Variants in ADAM18 observed in about 807,000 individuals in gnomAD.
ADAM18 encodes the protein ADAM metallopeptidase domain 18.
A neutral mutation model predicts 94.4 loss-of-function variants in ADAM18; 117 were observed. The observed-to-expected ratio is 1.24, with a 90% CI of 1.07 to 1.45. The LOEUF (loss-of-function observed/expected upper bound fraction) is 1.45. Ranked by LOEUF, ADAM18 falls within the 40% of genes most tolerant of loss-of-function variation. The pLI is 0.00. For missense variants in ADAM18, 936 were observed against 880.0 expected (o/e 1.06, Z -0.81); for synonymous variants, 327 against 291.6 (o/e 1.12, Z -1.24).
At chr8:39,701,967 A>G (rs1822092490) in intron 17 of ADAM18, among the ~76,000 whole-genome samples, 1 of 152,124 alleles carries the variant, frequency 6.6e-6, no homozygotes, top group African/African-American at 2.4e-5. Flanking sequence ...ATGTGTCTTT[A>G]TAATAGAATG....
intron 2 of ADAM18, among the ~76,000 whole-genome samples, chr8:39,595,698 A>AT (rs1188769612): frequency 1.3e-5 from 2 of 151,728 alleles, no homozygotes; most frequent in Non-Finnish European, 2.9e-5. Flanking sequence ...ATTTTTTTGT[A>AT]TTTTTAGTGG....
intron 7 of ADAM18, among the ~76,000 whole-genome samples, chr8:39,636,138 C>G (rs1370507615): frequency 6.6e-6 from 1 of 151,666 alleles, no homozygotes; most frequent in Non-Finnish European, 1.5e-5. Context: ...TCTGCCTCAT[C>G]CTTCCAAGTA....
intron 17 of ADAM18, among the ~76,000 whole-genome samples, chr8:39,695,454 ATGT>A (rs941684928): frequency 6.6e-6 from 1 of 151,508 alleles, no homozygotes; most frequent in African/African-American, 2.4e-5. Context: ...TGGTAACTCA[ATGT>A]TGTTTTAATT....
intron 10 of ADAM18, among the ~76,000 whole-genome samples, chr8:39,639,262 T>G (rs1437405831): frequency 6.6e-6 from 1 of 151,932 alleles, no homozygotes; most frequent in Non-Finnish European, 1.5e-5. Flanking sequence ...GAATCATGCG[T>G]CCTCCCACCT....
chr8:39,621,604 C>T (rs1025289682), intron 6 of ADAM18, among the ~76,000 whole-genome samples: 2 of 151,788 alleles, frequency 1.3e-5, no homozygotes, highest in African/African-American at 4.8e-5. Flanking sequence ...TGCTCAGATA[C>T]TAAAGATATT....
At chr8:39,613,578 A>G (rs947284767) in intron 6 of ADAM18, among the ~76,000 whole-genome samples, 23 of 152,214 alleles carry the variant, frequency 1.5e-4, no homozygotes, top group African/African-American at 5.1e-4. Context: ...GTGTCTTCCT[A>G]CCTACAAATG....
intron 18 of ADAM18, among the ~76,000 whole-genome samples, chr8:39,719,987 A>G (rs1822702406): frequency 6.6e-6 from 1 of 151,508 alleles, no homozygotes; most frequent in African/African-American, 2.4e-5. Context: ...AAATCTGGTA[A>G]CAATGTAAAT....
At chr8:39,669,304 TC>T (rs1821084895) in intron 14 of ADAM18, among the ~76,000 whole-genome samples, 1 of 150,744 alleles carries the variant, frequency 6.6e-6, no homozygotes. Flanking sequence ...ATTATTATAC[TC>T]TTTTTTTTAA....
At chr8:39,618,196 G>GT (rs1819502836) in intron 6 of ADAM18, among the ~76,000 whole-genome samples, 1 of 152,148 alleles carries the variant, frequency 6.6e-6, no homozygotes, top group Admixed American at 6.5e-5. Context: ...TTGTTCCCAG[G>GT]TGGATCGGCA....
At position 39,654,153 on chromosome 8, in the gene ADAM18, C is replaced by CTTTTTTTTTTT. The variant is rs1563292600; in HGVS notation, c.1230+5626_1230+5627insTTTTTTTTTTT. Among the ~76,000 whole-genome samples, 25 of 118,772 alleles carry CTTTTTTTTTTT rather than the reference C, an allele frequency of 2.1e-4. 2 individuals are homozygous for CTTTTTTTTTTT. Among genetic ancestry groups the CTTTTTTTTTTT allele is most frequent in the African/African-American group, 8.5e-4 (25 of 29,254 alleles). The allele number at this position is 118,772 out of a possible 152,430, so 77.9% of individuals were successfully genotyped here. A position where few individuals can be genotyped will look rare whatever the true frequency, so the allele number is the denominator to read the frequency against. On this transcript the variant is annotated intron_variant, in intron 12 of 19. Coordinates refer to ENST00000265707, the MANE Select transcript of ADAM18 (RefSeq NM_014237.3). Reference sequence around the variant, plus strand: ...TTGCTGCCACTGACAGGATTTCATTCCTTTTTTTTTTTTTTTTTTTTGGAG... The same window carrying CTTTTTTTTTTT: ...TTGCTGCCACTGACAGGATTTCATTCTTTTTTTTTTTCTTTTTTTTTTTTTTTTTTTTGGAG...
In ADAM18 at chr8:39,599,991, A is replaced by T. The variant is rs116153805; in HGVS notation, c.133-6316A>T. ...AGTGTGAAATAAATTGTCAATAAAT[A>T]TTTATTTCTTGAGATTGCAGAGAGG... On this transcript the variant is annotated intron_variant, in intron 2 of 19. Coordinates refer to ENST00000265707, the MANE Select transcript of ADAM18 (RefSeq NM_014237.3). 5.2e-3 allele frequency among the ~76,000 whole-genome samples: 788 copies of T among 152,142 alleles called. 8 individuals are homozygous for T. Among genetic ancestry groups the T allele is most frequent in the African/African-American group, 0.018 (759 of 41,524 alleles).
intron 16 of ADAM18, 44 bp downstream of exon 16, chr8:39,680,270 T>C: frequency 1.9e-6 from 3 of 1,543,278 alleles, no homozygotes; most frequent in Non-Finnish European, 2.7e-6. Context: ...TTAAATTATG[T>C]GAATTATCAG....
intron 6 of ADAM18, among the ~76,000 whole-genome samples, chr8:39,624,202 C>A (rs1819699621): frequency 6.6e-6 from 1 of 152,100 alleles, no homozygotes. Flanking sequence ...CTTTTGGGGT[C>A]TTAGTCATAA....
chr8:39,675,908 TG>T (rs1821287945), intron 14 of ADAM18, among the ~76,000 whole-genome samples: 1 of 152,194 alleles, frequency 6.6e-6, no homozygotes, highest in African/African-American at 2.4e-5. Flanking sequence ...TGTTGGAATT[TG>T]TGGGAGGTCC....
intron 6 of ADAM18, among the ~76,000 whole-genome samples, chr8:39,620,623 A>C (rs1819588726): frequency 6.8e-6 from 1 of 147,186 alleles, no homozygotes; most frequent in Admixed American, 6.8e-5. Context: ...ATATATTAAA[A>C]TATATATAAC....
chr8:39,661,202 G>C (rs1264676823), intron 12 of ADAM18, among the ~76,000 whole-genome samples: 1 of 142,534 alleles, frequency 7.0e-6, no homozygotes, highest in Non-Finnish European at 1.5e-5. Flanking sequence ...GCCCAGGCTG[G>C]AGTGCAGTGG....
intron 2 of ADAM18, among the ~76,000 whole-genome samples, chr8:39,600,405 T>C (rs76740929): frequency 0.032 from 4,851 of 152,290 alleles, 287 homozygotes; most frequent in African/African-American, 0.11. Flanking sequence ...GTAACTTGCT[T>C]TCAGTGGCTT....
At chr8:39,585,822 A>T (rs985632869) in intron 2 of ADAM18, among the ~76,000 whole-genome samples, 2 of 152,240 alleles carry the variant, frequency 1.3e-5, no homozygotes, top group Non-Finnish European at 2.9e-5. Flanking sequence ...TTGCCCTATT[A>T]TGATGAAAAA....
chr8:39,720,004 C>T (rs1822703060), intron 18 of ADAM18, among the ~76,000 whole-genome samples: 1 of 151,168 alleles, frequency 6.6e-6, no homozygotes, highest in Non-Finnish European at 1.5e-5. Context: ...AAATATAAGT[C>T]AAAATCTATA....
Sources: allele counts gnomAD v4.1 joint callset (sites outside exome capture counted in the v4.1 genomes callset), GRCh38; gene constraint gnomAD v4.1.1; transcripts MANE v1.5; gene names NCBI Gene and HGNC (gene_info 2026-07-23, HGNC 2026-07-21).